Variants in ATXN3 observed in about 807,000 individuals in gnomAD.
ATXN3 encodes the protein ataxin 3.
ATXN3 carries 28 observed loss-of-function variants against 58.2 expected under a neutral mutation model. The ratio of observed to expected loss-of-function variants is 0.48; its 90% CI spans 0.36 to 0.66. ATXN3 has a LOEUF of 0.66. Ranked by LOEUF, ATXN3 falls within the 30% of genes least tolerant of loss-of-function variation. The pLI is 0.00. For synonymous variants in ATXN3, 113 were observed against 138.5 expected, an observed-to-expected ratio of 0.82 and a Z score of 1.29; for missense variants, 321 against 422.1, an observed-to-expected ratio of 0.76 and a Z score of 2.10.
In ATXN3 at chr14:92,106,566, G is replaced by T. The variant is rs768123597; in HGVS notation, c.-14C>A. 1.2e-6 allele frequency: 2 copies of T among 1,612,704 alleles called. No individual in the cohort carries two copies. The highest frequency in any genetic ancestry group is 2.2e-5 in the South Asian group (2 of 91,036). The stretch of plus-strand genomic sequence containing the variant: ...GATGGACTCCATGTTTATTTGTCTG[G>T]AGCCAACGGCCCCCACGCCGAACCA... On this transcript the variant is annotated 5_prime_UTR_variant, in exon 1 of 11. Coordinates refer to ENST00000644486, the MANE Select transcript of ATXN3 (RefSeq NM_004993.6).
At chr14:92,089,463 C>T (rs947579356) in intron 5 of ATXN3, among the ~76,000 whole-genome samples, 5 of 151,636 alleles carry the variant, frequency 3.3e-5, no homozygotes, top group South Asian at 2.1e-4. Context: ...CTCAGCCTCC[C>T]GAGTAGCTGG....
At chr14:92,077,396 G>A (rs1382712909) in intron 9 of ATXN3, among the ~76,000 whole-genome samples, 3 of 151,878 alleles carry the variant, frequency 2.0e-5, no homozygotes, top group Non-Finnish European at 4.4e-5. Flanking sequence ...GCCCAGACTG[G>A]AGTGCAGTGG....
chr14:92,049,235 A>G (rs1460294276), intron 1 of ATXN3, among the ~76,000 whole-genome samples: 1 of 152,108 alleles, frequency 6.6e-6, no homozygotes, highest in African/African-American at 2.4e-5. Context: ...GAAGGAAGTA[A>G]GTTTAAAGAG....
chr14:92,079,829 C>G (rs565519868), intron 9 of ATXN3, among the ~76,000 whole-genome samples: 8 of 152,254 alleles, frequency 5.3e-5, no homozygotes, highest in Admixed American at 5.2e-4. Context: ...CTTCTGCCTC[C>G]CAGATTCAAG....
chr14:92,083,520 T>C (rs1042074774), intron 6 of ATXN3: 31 of 576,326 alleles, frequency 5.4e-5, no homozygotes, highest in Non-Finnish European at 9.1e-5. Flanking sequence ...GAAATAAATA[T>C]GTCTGTAAAG....
intron 9 of ATXN3, among the ~76,000 whole-genome samples, chr14:92,078,131 T>C (rs1164116502): frequency 1.3e-5 from 2 of 150,674 alleles, no homozygotes; most frequent in African/African-American, 2.4e-5. Context: ...CCCATCATCA[T>C]GCCTGGCTAA....
intron 1 of ATXN3, among the ~76,000 whole-genome samples, chr14:92,101,894 C>T (rs901313304): frequency 6.7e-6 from 1 of 149,004 alleles, no homozygotes; most frequent in South Asian, 2.1e-4. Context: ...GTAGCTCACG[C>T]CTGTAATCCC....
chr14:92,096,819 G>C lies in ATXN3; in HGVS notation c.44C>G (p.Ala15Gly). Residue 15 changes from alanine to glycine, a missense_variant, in exon 2 of 11, where the codon GCT becomes GGT. Transcript: ENST00000644486. Reference protein sequence around the residue: ...FHEKQEGSLCAQHCLNNLLQG... With the variant: ...FHEKQEGSLCGQHCLNNLLQG... Reference sequence around the variant, plus strand: ...CAATAAGTTATTCAGGCAATGTTGAGCACAAAGTGAGCCTTCTTGCTAATA... The same window carrying C: ...CAATAAGTTATTCAGGCAATGTTGACCACAAAGTGAGCCTTCTTGCTAATA... 6.2e-7 allele frequency: 1 copy of C among 1,613,182 alleles called. No homozygotes were observed. The highest frequency in any genetic ancestry group is 8.5e-7 in the Non-Finnish European group (1 of 1,179,752).
chr14:92,063,862 G>A lies in ATXN3; in HGVS notation c.*458C>T, dbSNP rs1270238595. ...GAACCATTACTATTATCAACATCAG[G>A]AAAGTAGAGATACTTTCCTGAAAGG... On this transcript the variant is annotated 3_prime_UTR_variant, in exon 11 of 11. Transcript: ENST00000644486. 1.3e-5 allele frequency: 2 copies of A among 154,326 alleles called. No homozygotes were observed. Among genetic ancestry groups the A allele is most frequent in the Non-Finnish European group, 2.9e-5 (2 of 69,716 alleles). 9.6% of individuals were successfully genotyped at this position (154,326 alleles called of 1,614,324 possible).
chr14:92,080,348 G>A (rs925894011), intron 9 of ATXN3, among the ~76,000 whole-genome samples: 2 of 152,054 alleles, frequency 1.3e-5, no homozygotes, highest in South Asian at 4.1e-4. Context: ...GGGTTAATCA[G>A]GTAAGCAAGA....
At chr14:92,045,173 G>C (rs2057420448) in intron 2 of ATXN3, among the ~76,000 whole-genome samples, 1 of 152,192 alleles carries the variant, frequency 6.6e-6, no homozygotes, top group Admixed American at 6.5e-5. Context: ...ATACTGTCCA[G>C]TCCTTTTTAA....
At chr14:92,100,557 T>C (rs1007903847) in intron 1 of ATXN3, among the ~76,000 whole-genome samples, 1 of 151,778 alleles carries the variant, frequency 6.6e-6, no homozygotes, top group Non-Finnish European at 1.5e-5. Context: ...TTAACAGTAG[T>C]TAATTCTGGA....
intron 10 of ATXN3, among the ~76,000 whole-genome samples, chr14:92,068,878 C>T (rs1176373715): frequency 6.6e-6 from 1 of 152,132 alleles, no homozygotes; most frequent in East Asian, 1.9e-4. Context: ...GTGTGAGCCA[C>T]CGCACCCAGC....
At position 92,064,394 on chromosome 14, in the gene ATXN3, C is replaced by T. The variant is rs142718363; in HGVS notation, c.1012G>A (p.Asp338Asn). The change falls in exon 11 of 11, where the codon GAC becomes AAC. Residue 338 changes from aspartate to asparagine, a missense_variant. Asp to Asn is a conservative substitution (Grantham distance 23, BLOSUM62 1). Coordinates refer to ENST00000644486, the MANE Select transcript of ATXN3 (RefSeq NM_004993.6). The stretch of plus-strand genomic sequence containing the variant: ...ATGGTCACAGCTGCCTGAAGCATGT[C>T]TTCTTCACTCATAGCATCACCTGTT... Reference protein sequence around the residue: ...SDLGDAMSEEDMLQAAVTMSL... With the variant: ...SDLGDAMSEENMLQAAVTMSL... 6.2e-7 allele frequency: 1 copy of T among 1,612,616 alleles called. No individual in the cohort carries two copies. The highest frequency in any genetic ancestry group is 8.5e-7 in the Non-Finnish European group (1 of 1,179,100).
intron 10 of ATXN3, 60 bp downstream of exon 10, chr14:92,070,875 G>C: frequency 6.2e-7 from 1 of 1,613,552 alleles, no homozygotes. Flanking sequence ...ATCACATGGA[G>C]CTCGTATGTC....
intron 3 of ATXN3, 98 bp downstream of exon 3, chr14:92,095,995 G>T: frequency 1.0e-6 from 1 of 992,468 alleles, no homozygotes; most frequent in South Asian, 1.3e-5. Flanking sequence ...GTAGACAGAA[G>T]AACTTCCGAA....
chr14:92,070,754 TTTTTTTC>T (rs2059282183), intron 10 of ATXN3, 174 bp downstream of exon 10: 12 of 1,362,990 alleles, frequency 8.8e-6, no homozygotes, highest in South Asian at 8.2e-5. Flanking sequence ...CTTTTTTTTT[TTTTTTTC>T]TTTTGGTAAC....
intron 1 of ATXN3, among the ~76,000 whole-genome samples, chr14:92,100,059 G>A (rs2066413069): frequency 6.6e-6 from 1 of 152,192 alleles, no homozygotes; most frequent in African/African-American, 2.4e-5. Context: ...AACTTTATTA[G>A]TCATCAGGGA....
chr14:92,071,167 C>A, intron 9 of ATXN3, 114 bp from the exon 10 acceptor site: 1 of 1,446,122 alleles, frequency 6.9e-7, no homozygotes, highest in Admixed American at 2.0e-5. Flanking sequence ...AAAGTAGTCA[C>A]TGGTATTAAA....
Sources: allele counts gnomAD v4.1 joint callset (sites outside exome capture counted in the v4.1 genomes callset), GRCh38; gene constraint gnomAD v4.1.1; transcripts MANE v1.5; gene names NCBI Gene and HGNC (gene_info 2026-07-23, HGNC 2026-07-21).